Variants in SH3GL3 observed in about 807,000 individuals in gnomAD.
The protein encoded by SH3GL3 is SH3 domain containing GRB2 like 3, endophilin A3, also known as endophilin-A3.
Under a neutral mutation model 47.7 loss-of-function variants are expected in SH3GL3, and 33 were observed. The observed-to-expected ratio is 0.69, with a 90% CI of 0.52 to 0.92. The LOEUF is 0.92. Among genes scored for constraint, SH3GL3 ranks in the 40% least tolerant of loss-of-function variants. The pLI is 0.00. For synonymous variants in SH3GL3, 155 were observed against 148.8 expected (o/e 1.04, Z -0.30); for missense variants, 363 against 417.8 (o/e 0.87, Z 1.14).
chr15:83,582,928 A>C (rs2059867685), intron 6 of SH3GL3, among the ~76,000 whole-genome samples: 1 of 152,244 alleles, frequency 6.6e-6, no homozygotes. Flanking sequence ...AGAAACTCTG[A>C]ATAAAGGCTT....
At chr15:83,501,896 A>C (rs1311493939) in intron 1 of SH3GL3, among the ~76,000 whole-genome samples, 1 of 152,214 alleles carries the variant, frequency 6.6e-6, no homozygotes, top group Admixed American at 6.5e-5. Context: ...GTCTCAAAAA[A>C]AAGAAAAGAA....
chr15:83,466,039 C>T (rs951632021), intron 1 of SH3GL3, among the ~76,000 whole-genome samples: 2 of 152,186 alleles, frequency 1.3e-5, no homozygotes, highest in African/African-American at 2.4e-5. Context: ...TCCTTCCTGC[C>T]TCCATTCCCT....
intron 1 of SH3GL3, among the ~76,000 whole-genome samples, chr15:83,495,885 TTA>T (rs2042055821): frequency 6.6e-6 from 1 of 152,116 alleles, no homozygotes; most frequent in African/African-American, 2.4e-5. Flanking sequence ...GTACAAATTT[TTA>T]TATGTGTGTG....
chr15:83,501,743 T>A (rs887346930), intron 1 of SH3GL3, among the ~76,000 whole-genome samples: 1 of 152,026 alleles, frequency 6.6e-6, no homozygotes, highest in African/African-American at 2.4e-5. Context: ...AATACAAAAA[T>A]TAGCCAGGTG....
Position 83,490,595 on chromosome 15 carries a change from G to A in SH3GL3, c.45+43017G>A, listed in dbSNP as rs374519367. 2.6e-5 allele frequency among the ~76,000 whole-genome samples: 4 copies of A among 152,294 alleles called. No individual in the cohort carries two copies. In the East Asian group the frequency reaches 7.7e-4, roughly 29 times the overall value. On this transcript the variant is annotated intron_variant, in intron 1 of 8. Coordinates refer to ENST00000427482, the MANE Select transcript of SH3GL3 (RefSeq NM_003027.5). ...GATGTGTTGCCTCCGTGATGTCACA[G>A]TTGGCCCCCCTACAACCTAGTTCAG...
rs1567042802 is a variant in SH3GL3 at position 83,618,124 on chromosome 15, A to G, written c.881A>G (p.Tyr294Cys). 1.2e-6 allele frequency: 2 copies of G among 1,613,970 alleles called. No homozygotes were observed. Among genetic ancestry groups the G allele is most frequent in the East Asian group, 4.5e-5 (2 of 44,872 alleles). The change falls in exon 9 of 9, where the codon TAT (tyrosine) becomes TGT (cysteine). Residue 294 changes from tyrosine to cysteine, a missense_variant. Physicochemically the swap from Tyr to Cys is radical, Grantham distance 194. Transcript: ENST00000427482. ...PMDQPCCRGLYDFEPENQGEL... is the reference protein window; with the variant it reads ...PMDQPCCRGLCDFEPENQGEL... ...GACCAGCCCTGCTGTCGTGGTCTCT[A>G]TGACTTTGAGCCAGAAAACCAAGGA...
intron 8 of SH3GL3, among the ~76,000 whole-genome samples, chr15:83,595,807 T>C (rs1299374444): frequency 6.6e-6 from 1 of 152,174 alleles, no homozygotes; most frequent in East Asian, 1.9e-4. Flanking sequence ...TCTGTTATTA[T>C]CCTTTTAAGA....
chr15:83,463,484 T>G (rs2040406134), intron 1 of SH3GL3, among the ~76,000 whole-genome samples: 1 of 152,210 alleles, frequency 6.6e-6, no homozygotes, highest in Non-Finnish European at 1.5e-5. Context: ...TACATTATAG[T>G]AAGGTTATAT....
chr15:83,501,578 AC>A (rs1399798954), intron 1 of SH3GL3, among the ~76,000 whole-genome samples: 1 of 151,914 alleles, frequency 6.6e-6, no homozygotes, highest in Admixed American at 6.5e-5. Flanking sequence ...ACATGAGAAA[AC>A]CCTTCTTGCC....
At chr15:83,567,699 AGAGT>A (rs909422595) in intron 3 of SH3GL3, among the ~76,000 whole-genome samples, 2 of 152,064 alleles carry the variant, frequency 1.3e-5, no homozygotes, top group Non-Finnish European at 2.9e-5. Context: ...CCTTGGGAGC[AGAGT>A]GTGTGTGTGT....
chr15:83,464,099 A>T (rs1441671307), intron 1 of SH3GL3, among the ~76,000 whole-genome samples: 4 of 151,946 alleles, frequency 2.6e-5, no homozygotes, highest in Non-Finnish European at 4.4e-5. Flanking sequence ...AACCTATTCA[A>T]ATTGGCTTTC....
intron 8 of SH3GL3, among the ~76,000 whole-genome samples, chr15:83,609,948 A>C (rs944480056): frequency 6.6e-6 from 1 of 152,126 alleles, no homozygotes; most frequent in Non-Finnish European, 1.5e-5. Flanking sequence ...CACCACCTGG[A>C]GTGGGCACTG....
At chr15:83,552,658 A>G (rs1007565136) in intron 1 of SH3GL3, among the ~76,000 whole-genome samples, 1 of 152,196 alleles carries the variant, frequency 6.6e-6, no homozygotes, top group Non-Finnish European at 1.5e-5. Context: ...AGGAATATAC[A>G]TTTTTTAAAT....
At chr15:83,496,914 A>G (rs2042104380) in intron 1 of SH3GL3, among the ~76,000 whole-genome samples, 4 of 152,014 alleles carry the variant, frequency 2.6e-5, no homozygotes, top group African/African-American at 4.8e-5. Context: ...CAAGCTGGAT[A>G]TCTTAGGACT....
chr15:83,614,990 C>T (rs762623273), intron 8 of SH3GL3, among the ~76,000 whole-genome samples: 32 of 151,968 alleles, frequency 2.1e-4, no homozygotes, highest in Non-Finnish European at 4.3e-4. Flanking sequence ...AGAACATAAT[C>T]TCTAGCAGAA....
At chr15:83,478,375 G>A (rs2041192735) in intron 1 of SH3GL3, among the ~76,000 whole-genome samples, 1 of 152,218 alleles carries the variant, frequency 6.6e-6, no homozygotes, top group Admixed American at 6.5e-5. Flanking sequence ...GGAGAGCTGA[G>A]TCTGGTTGGC....
intron 8 of SH3GL3, among the ~76,000 whole-genome samples, chr15:83,617,644 C>T (rs565545659): frequency 6.6e-6 from 1 of 152,198 alleles, no homozygotes; most frequent in South Asian, 2.1e-4. Flanking sequence ...CCATTGCACT[C>T]CAGCCTGGGC....
intron 1 of SH3GL3, among the ~76,000 whole-genome samples, chr15:83,526,339 G>T (rs1374708870): frequency 5.9e-5 from 9 of 152,108 alleles, no homozygotes; most frequent in African/African-American, 1.9e-4. Context: ...AACATAAATT[G>T]TTCTATCATA....
At chr15:83,583,686 C>T (rs887704000) in intron 6 of SH3GL3, among the ~76,000 whole-genome samples, 27 of 152,184 alleles carry the variant, frequency 1.8e-4, no homozygotes, top group African/African-American at 6.5e-4. Context: ...GAATGAAATG[C>T]ATCCACAGGT....
Sources: allele counts gnomAD v4.1 joint callset (sites outside exome capture counted in the v4.1 genomes callset), GRCh38; gene constraint gnomAD v4.1.1; transcripts MANE v1.5; gene names NCBI Gene and HGNC (gene_info 2026-07-23, HGNC 2026-07-21).